The following PTPRD variants were observed in gnomAD, a reference collection of about 807,000 sequenced individuals.
PTPRD encodes the protein protein tyrosine phosphatase receptor type D, also known as receptor-type tyrosine-protein phosphatase delta.
PTPRD carries 34 observed loss-of-function variants against 214.5 expected under a neutral mutation model. The ratio of observed to expected loss-of-function variants is 0.16; its 90% CI spans 0.12 to 0.21. The LOEUF (loss-of-function observed/expected upper bound fraction) is 0.21. Ranked by LOEUF, PTPRD falls within the 10% of genes least tolerant of loss-of-function variation. PTPRD has a pLI of 1.00. For missense variants in PTPRD, 2,545 were observed against 2,398.7 expected, an observed-to-expected ratio of 1.06 and a Z score of -1.27; for synonymous variants, 1,128 against 845.7, an observed-to-expected ratio of 1.33 and a Z score of -5.79.
intron 4 of PTPRD, among the ~76,000 whole-genome samples, chr9:9,939,346 G>T (rs1256814755): frequency 6.6e-6 from 1 of 152,164 alleles, no homozygotes; most frequent in Non-Finnish European, 1.5e-5. Context: ...CTGGGTGGTT[G>T]TAAGGAACTC....
rs7040676 is a variant in PTPRD at position 9,450,044 on chromosome 9, C to A, written c.-236-52562G>T. Among the ~76,000 whole-genome samples the A allele has an allele frequency of 1.5e-3, 228 of 151,844 alleles. 1 individual carries two copies. The highest frequency in any genetic ancestry group is 5.2e-3 in the African/African-American group (214 of 41,420). ...CAATGGCTTCCAGCTCCAACCAAAG[C>A]GCTGCAAAGGCCATTATTTTGTTCT... On this transcript the variant is annotated intron_variant, in intron 8 of 45. Coordinates refer to ENST00000381196, the MANE Select transcript of PTPRD (RefSeq NM_002839.4).
At chr9:9,918,486 G>C (rs1026817256) in intron 5 of PTPRD, among the ~76,000 whole-genome samples, 1 of 151,510 alleles carries the variant, frequency 6.6e-6, no homozygotes, top group Non-Finnish European at 1.5e-5. Context: ...ACTATCCAAA[G>C]CAATCTGATT....
intron 11 of PTPRD, among the ~76,000 whole-genome samples, chr9:8,789,045 A>G (rs1390356680): frequency 3.3e-5 from 5 of 152,208 alleles, no homozygotes; most frequent in African/African-American, 4.8e-5. Flanking sequence ...TATTATAAGA[A>G]GCAGTACTGT....
chr9:9,120,603 G>A (rs576321666), intron 10 of PTPRD, among the ~76,000 whole-genome samples: 33 of 152,304 alleles, frequency 2.2e-4, no homozygotes, highest in Admixed American at 2.6e-4. Flanking sequence ...AGCTACCTGC[G>A]TAAGTGGTTC....
intron 4 of PTPRD, among the ~76,000 whole-genome samples, chr9:10,027,438 C>A (rs982112164): frequency 6.6e-6 from 1 of 152,126 alleles, no homozygotes; most frequent in Non-Finnish European, 1.5e-5. Flanking sequence ...TACATAGGTA[C>A]CTCCTTCCAA....
chr9:8,539,465 T>A (rs879752184), intron 14 of PTPRD, among the ~76,000 whole-genome samples: 62 of 151,960 alleles, frequency 4.1e-4, no homozygotes, highest in African/African-American at 1.5e-3. Flanking sequence ...TAAAGACAAA[T>A]AATTTTGAAG....
intron 10 of PTPRD, among the ~76,000 whole-genome samples, chr9:9,075,509 C>G (rs1228119973): frequency 2.0e-5 from 3 of 152,104 alleles, no homozygotes; most frequent in Non-Finnish European, 4.4e-5. Flanking sequence ...TGTGCTGCAA[C>G]CATTAACTCG....
intron 5 of PTPRD, among the ~76,000 whole-genome samples, chr9:9,814,602 G>T (rs2048165388): frequency 6.6e-6 from 1 of 152,082 alleles, no homozygotes; most frequent in Non-Finnish European, 1.5e-5. Context: ...TCTGTACAAT[G>T]AAAACTGTCA....
At chr9:9,134,235 G>A (rs1285420646) in intron 10 of PTPRD, among the ~76,000 whole-genome samples, 2 of 147,410 alleles carry the variant, frequency 1.4e-5, no homozygotes, top group African/African-American at 5.2e-5. Flanking sequence ...ACCACGCCCG[G>A]CTAATTTTTT....
At chr9:10,158,128 A>G (rs1274301194) in intron 3 of PTPRD, among the ~76,000 whole-genome samples, 7 of 151,448 alleles carry the variant, frequency 4.6e-5, no homozygotes, top group African/African-American at 1.5e-4. Flanking sequence ...TCTGTCTCAG[A>G]CCCCCGCTTA....
At chr9:8,604,326 C>A (rs1056811346) in intron 14 of PTPRD, among the ~76,000 whole-genome samples, 1 of 152,082 alleles carries the variant, frequency 6.6e-6, no homozygotes, top group Non-Finnish European at 1.5e-5. Flanking sequence ...TGAGCTAGAT[C>A]TTTTTCAGAG....
At chr9:10,215,745 T>C (rs1242145268) in intron 3 of PTPRD, among the ~76,000 whole-genome samples, 1 of 152,096 alleles carries the variant, frequency 6.6e-6, no homozygotes, top group Non-Finnish European at 1.5e-5. Context: ...AATCCAGTTG[T>C]CTGTCAAAAC....
intron 2 of PTPRD, among the ~76,000 whole-genome samples, chr9:10,426,449 AT>A (rs2098618183): frequency 6.6e-6 from 1 of 152,028 alleles, no homozygotes; most frequent in African/African-American, 2.4e-5. Context: ...TAAGAAAAAA[AT>A]CTATAGTTAT....
intron 11 of PTPRD, among the ~76,000 whole-genome samples, chr9:8,924,134 C>T (rs1302960120): frequency 1.3e-5 from 2 of 150,900 alleles, no homozygotes; most frequent in African/African-American, 4.9e-5. Flanking sequence ...ACGATTAAAT[C>T]CAGCACTCAC....
At chr9:8,766,861 T>C (rs549676931) in intron 11 of PTPRD, among the ~76,000 whole-genome samples, 1 of 152,310 alleles carries the variant, frequency 6.6e-6, no homozygotes, top group East Asian at 1.9e-4. Context: ...ACATATGCCA[T>C]AGGAACTTAA....
At chr9:9,887,340 T>C (rs1008965463) in intron 5 of PTPRD, among the ~76,000 whole-genome samples, 1 of 152,114 alleles carries the variant, frequency 6.6e-6, no homozygotes, top group Non-Finnish European at 1.5e-5. Flanking sequence ...GAGATATGAA[T>C]CCTCAAGAGA....
chr9:8,381,439 G>C (rs533039822), intron 37 of PTPRD, among the ~76,000 whole-genome samples: 1 of 152,312 alleles, frequency 6.6e-6, no homozygotes, highest in Admixed American at 6.5e-5. Context: ...GAGCATCTCA[G>C]TGATTCTCTT....
At chr9:9,247,650 C>T (rs1321280385) in intron 9 of PTPRD, among the ~76,000 whole-genome samples, 1 of 152,030 alleles carries the variant, frequency 6.6e-6, no homozygotes, top group African/African-American at 2.4e-5. Context: ...AATACAAGGC[C>T]CGACTCACAT....
In PTPRD at chr9:10,209,554, T is replaced by C. The variant is rs185504418; in HGVS notation, c.-545+131409A>G. On this transcript the variant is annotated intron_variant, in intron 3 of 45. Transcript: ENST00000381196. ...CGCATAGAACTGGATTCCAGTAACA[T>C]TGACAGTTGATCCTTAGTCCCTAAG... 1.3e-3 allele frequency among the ~76,000 whole-genome samples: 192 copies of C among 152,208 alleles called. 3 individuals carry two copies. In the South Asian group the frequency reaches 0.036, roughly 29 times the overall value.
Sources: allele counts gnomAD v4.1 joint callset (sites outside exome capture counted in the v4.1 genomes callset), GRCh38; gene constraint gnomAD v4.1.1; transcripts MANE v1.5; gene names NCBI Gene and HGNC (gene_info 2026-07-23, HGNC 2026-07-21).